Variants in TCF7L1 observed in about 807,000 individuals in gnomAD.
TCF7L1 encodes the protein transcription factor 7 like 1.
Under a neutral mutation model 63.7 loss-of-function variants are expected in TCF7L1, and 18 were observed. That is an observed-to-expected ratio of 0.28 (90% CI 0.20 to 0.42). The LOEUF is 0.42. Ranked by LOEUF, TCF7L1 falls within the 10% of genes least tolerant of loss-of-function variation. TCF7L1 has a pLI of 1.00. For synonymous variants in TCF7L1, 355 were observed against 340.9 expected (o/e 1.04, Z -0.46); for missense variants, 654 against 779.3 (o/e 0.84, Z 1.91).
At chr2:85,141,913 G>A (rs1265691773) in intron 3 of TCF7L1, among the ~76,000 whole-genome samples, 2 of 152,180 alleles carry the variant, frequency 1.3e-5, no homozygotes, top group Non-Finnish European at 2.9e-5. Flanking sequence ...AGGGCAAGTT[G>A]GCTAGAGTGG....
chr2:85,152,747 T>C (rs140491303), intron 3 of TCF7L1, among the ~76,000 whole-genome samples: 1 of 152,106 alleles, frequency 6.6e-6, no homozygotes, highest in Non-Finnish European at 1.5e-5. Flanking sequence ...GTCTCTTTTT[T>C]TAAATGTACT....
At position 85,274,795 on chromosome 2, in the gene TCF7L1, G is replaced by C. The variant is rs141958959; in HGVS notation, c.442-8700G>C. Among the ~76,000 whole-genome samples the C allele has an allele frequency of 2.0e-5, 3 of 152,252 alleles. No homozygotes were observed. In the East Asian group the frequency reaches 5.8e-4, roughly 29 times the overall value. On this transcript the variant is annotated intron_variant, in intron 3 of 11. Transcript: ENST00000282111. Reference sequence around the variant, plus strand: ...CACCGAACCAGACCTGTCTCCCCAGGTAAAGCGCAGGTCACAGGCTCCTAG... The same window carrying C: ...CACCGAACCAGACCTGTCTCCCCAGCTAAAGCGCAGGTCACAGGCTCCTAG...
chr2:85,224,150 G>A (rs888420642), intron 3 of TCF7L1, among the ~76,000 whole-genome samples: 1 of 152,194 alleles, frequency 6.6e-6, no homozygotes, highest in African/African-American at 2.4e-5. Context: ...AGTATTCCAT[G>A]GTGTATATGT....
At chr2:85,263,367 G>A (rs1307817451) in intron 3 of TCF7L1, among the ~76,000 whole-genome samples, 1 of 152,100 alleles carries the variant, frequency 6.6e-6, no homozygotes, top group East Asian at 1.9e-4. Context: ...GCCTGGGGAG[G>A]GGCTGCCGGC....
chr2:85,239,155 A>G (rs72831500), intron 3 of TCF7L1, among the ~76,000 whole-genome samples: 4,495 of 152,302 alleles, frequency 0.03, 87 homozygotes, highest in Middle Eastern at 0.044. Flanking sequence ...GGAAGGGTTA[A>G]GAGTTGGGTC....
chr2:85,141,229 C>G (rs1677730176), intron 3 of TCF7L1, among the ~76,000 whole-genome samples: 1 of 151,784 alleles, frequency 6.6e-6, no homozygotes, highest in Admixed American at 6.6e-5. Context: ...ACAGTGAGAC[C>G]CTGTCTCTAA....
chr2:85,246,674 G>A (rs1680472317), intron 3 of TCF7L1, among the ~76,000 whole-genome samples: 2 of 152,206 alleles, frequency 1.3e-5, no homozygotes, highest in African/African-American at 2.4e-5. Flanking sequence ...GTGTACTCAT[G>A]GATATTGCCA....
intron 3 of TCF7L1, among the ~76,000 whole-genome samples, chr2:85,142,501 C>CACA (rs1417393433): frequency 6.8e-6 from 1 of 147,726 alleles, no homozygotes; most frequent in African/African-American, 2.5e-5. Flanking sequence ...TATATATACA[C>CACA]ACACACACAA....
At chr2:85,159,189 G>A (rs1405962023) in intron 3 of TCF7L1, among the ~76,000 whole-genome samples, 1 of 152,016 alleles carries the variant, frequency 6.6e-6, no homozygotes, top group East Asian at 2.0e-4. Flanking sequence ...ACACTTCCTG[G>A]TGTTCCTGCA....
chr2:85,246,487 CA>C (rs1050124227), intron 3 of TCF7L1, among the ~76,000 whole-genome samples: 1 of 152,194 alleles, frequency 6.6e-6, no homozygotes, highest in Non-Finnish European at 1.5e-5. Flanking sequence ...ATTTCATCCT[CA>C]AAATAGTTCT....
chr2:85,197,515 G>A (rs1187830474), intron 3 of TCF7L1, among the ~76,000 whole-genome samples: 1 of 152,138 alleles, frequency 6.6e-6, no homozygotes, highest in East Asian at 1.9e-4. Context: ...GCGACTAAAG[G>A]CTATCCTAGG....
chr2:85,272,813 T>TATCA (rs1169975394), intron 3 of TCF7L1, among the ~76,000 whole-genome samples: 1 of 152,000 alleles, frequency 6.6e-6, no homozygotes, highest in Admixed American at 6.6e-5. Flanking sequence ...TTAACCAGTA[T>TATCA]ATCAATCAAT....
intron 3 of TCF7L1, among the ~76,000 whole-genome samples, chr2:85,208,541 G>C (rs1047291233): frequency 6.6e-6 from 1 of 152,130 alleles, no homozygotes; most frequent in Non-Finnish European, 1.5e-5. Context: ...GAAGTGAAGG[G>C]ATGAACCGTA....
chr2:85,295,293 C>T (rs961209870), intron 4 of TCF7L1, among the ~76,000 whole-genome samples: 3 of 152,136 alleles, frequency 2.0e-5, no homozygotes, highest in Non-Finnish European at 4.4e-5. Context: ...CCTTTGCCTC[C>T]CAGGTTCAAG....
At chr2:85,176,986 C>CAAAAAA (rs774094748) in intron 3 of TCF7L1, among the ~76,000 whole-genome samples, 2 of 66,804 alleles carry the variant, frequency 3.0e-5, no homozygotes, top group African/African-American at 4.8e-5. Flanking sequence ...GACTCTGTCT[C>CAAAAAA]AAAAAAAAAA....
At chr2:85,167,151 T>G (rs1678438180) in intron 3 of TCF7L1, 1 of 152,292 alleles carries the variant, frequency 6.6e-6, no homozygotes, top group Non-Finnish European at 1.5e-5. Flanking sequence ...AGTACTTACC[T>G]TTATAGTCAG....
At chr2:85,228,638 G>C (rs1680007561) in intron 3 of TCF7L1, among the ~76,000 whole-genome samples, 1 of 152,052 alleles carries the variant, frequency 6.6e-6, no homozygotes. Flanking sequence ...TTTAGTCACA[G>C]GAAGCAAGGA....
At chr2:85,200,349 T>C (rs879389531) in intron 3 of TCF7L1, among the ~76,000 whole-genome samples, 1 of 152,236 alleles carries the variant, frequency 6.6e-6, no homozygotes, top group Non-Finnish European at 1.5e-5. Flanking sequence ...TCCACAAAAC[T>C]TAACTACTAA....
intron 3 of TCF7L1, among the ~76,000 whole-genome samples, chr2:85,283,275 C>A (rs903474924): frequency 3.3e-5 from 5 of 151,020 alleles, no homozygotes; most frequent in Non-Finnish European, 7.4e-5. Flanking sequence ...TCCCCCCCCC[C>A]AAAATGACAT....
Sources: allele counts gnomAD v4.1 joint callset (sites outside exome capture counted in the v4.1 genomes callset), GRCh38; gene constraint gnomAD v4.1.1; transcripts MANE v1.5; gene names NCBI Gene and HGNC (gene_info 2026-07-23, HGNC 2026-07-21).